The following MAGI1 variants were observed in gnomAD, a reference collection of about 807,000 sequenced individuals.
The protein encoded by MAGI1 is membrane-associated guanylate kinase, WW and PDZ domain-containing protein 1.
In MAGI1, 58 loss-of-function variants were observed where a neutral mutation model predicts 139.9. The observed-to-expected ratio is 0.41, with a 90% CI of 0.34 to 0.52. The LOEUF is 0.52. Among genes scored for constraint, MAGI1 ranks in the 20% least tolerant of loss-of-function variants. MAGI1 has a pLI of 0.12. For missense variants in MAGI1, 1,874 were observed against 1,901.6 expected, an observed-to-expected ratio of 0.99 and a Z score of 0.27; for synonymous variants, 812 against 737.9, an observed-to-expected ratio of 1.10 and a Z score of -1.63.
At chr3:65,392,995 C>T (rs762370021) in intron 13 of MAGI1, among the ~76,000 whole-genome samples, 3 of 152,182 alleles carry the variant, frequency 2.0e-5, no homozygotes, top group Admixed American at 1.3e-4. Flanking sequence ...AAAACATACA[C>T]TGTTGCAGAT....
intron 12 of MAGI1, among the ~76,000 whole-genome samples, chr3:65,425,015 G>A (rs1946906489): frequency 6.7e-6 from 1 of 150,058 alleles, no homozygotes; most frequent in African/African-American, 2.4e-5. Flanking sequence ...GTTTGAGGTT[G>A]TGATGGGCCA....
At chr3:65,597,127 C>T (rs1182064307) in intron 2 of MAGI1, among the ~76,000 whole-genome samples, 2 of 152,098 alleles carry the variant, frequency 1.3e-5, no homozygotes, top group Non-Finnish European at 2.9e-5. Context: ...CATTTACCAA[C>T]ACCTGCTGGA....
chr3:65,798,710 G>A (rs1218220348), intron 1 of MAGI1, among the ~76,000 whole-genome samples: 2 of 152,136 alleles, frequency 1.3e-5, no homozygotes, highest in Non-Finnish European at 2.9e-5. Context: ...CATTATCCAC[G>A]GCTTCGCTTT....
chr3:65,591,970 T>C (rs1387789620), intron 2 of MAGI1, among the ~76,000 whole-genome samples: 1 of 152,228 alleles, frequency 6.6e-6, no homozygotes, highest in Non-Finnish European at 1.5e-5. Flanking sequence ...CTCTGCTTTT[T>C]CCCTCGTATA....
intron 1 of MAGI1, among the ~76,000 whole-genome samples, chr3:66,035,119 C>T (rs888836862): frequency 6.6e-6 from 1 of 152,082 alleles, no homozygotes; most frequent in African/African-American, 2.4e-5. Flanking sequence ...ACTGTCTTCC[C>T]CACTTAAAAT....
At chr3:65,739,995 T>C (rs2035116512) in intron 1 of MAGI1, among the ~76,000 whole-genome samples, 1 of 8,420 alleles carries the variant, frequency 1.2e-4, no homozygotes, top group Admixed American at 1.6e-3. Context: ...AACCTTCAAG[T>C]TGTAAAAAAA....
At chr3:65,747,849 A>G (rs537579873) in intron 1 of MAGI1, among the ~76,000 whole-genome samples, 4 of 152,328 alleles carry the variant, frequency 2.6e-5, no homozygotes, top group Admixed American at 6.5e-5. Flanking sequence ...AAGAATGTCA[A>G]GACCAAAAAG....
At chr3:65,911,422 G>A (rs536451735) in intron 1 of MAGI1, among the ~76,000 whole-genome samples, 29 of 152,084 alleles carry the variant, frequency 1.9e-4, no homozygotes, top group African/African-American at 5.8e-4. Context: ...GCTGCCCAGC[G>A]TCCACCTTTC....
At chr3:66,021,800 T>C (rs1273301197) in intron 1 of MAGI1, among the ~76,000 whole-genome samples, 1 of 152,136 alleles carries the variant, frequency 6.6e-6, no homozygotes, top group Non-Finnish European at 1.5e-5. Flanking sequence ...CAGGGAGACA[T>C]GAGTCAGAAT....
intron 1 of MAGI1, among the ~76,000 whole-genome samples, chr3:65,915,260 C>T (rs1445258277): frequency 6.6e-6 from 1 of 152,198 alleles, no homozygotes; most frequent in Non-Finnish European, 1.5e-5. Flanking sequence ...ATTTGAACAG[C>T]AGCTTGTACA....
At chr3:65,680,170 G>C (rs1218946378) in intron 1 of MAGI1, among the ~76,000 whole-genome samples, 1 of 152,026 alleles carries the variant, frequency 6.6e-6, no homozygotes, top group East Asian at 1.9e-4. Flanking sequence ...ATGACATTAG[G>C]TAGTATGGGT....
In MAGI1 at chr3:65,882,901, T is replaced by C. The variant is rs2060388280; in HGVS notation, c.313+155095A>G. Reference sequence around the variant, plus strand: ...AGTGAGCCATGATCACGCAACTGCATTTCAGCCTGGGCAACAGAGCAAGAC... The same window carrying C: ...AGTGAGCCATGATCACGCAACTGCACTTCAGCCTGGGCAACAGAGCAAGAC... On this transcript the variant is annotated intron_variant, in intron 1 of 22. Transcript: ENST00000402939. Among the ~76,000 whole-genome samples, 4 of 146,666 alleles carry C rather than the reference T, an allele frequency of 2.7e-5. No individual in the cohort carries two copies. In the South Asian group the frequency reaches 8.6e-4, roughly 31 times the overall value.
At chr3:65,899,466 A>C (rs1328613793) in intron 1 of MAGI1, among the ~76,000 whole-genome samples, 1 of 152,202 alleles carries the variant, frequency 6.6e-6, no homozygotes, top group Non-Finnish European at 1.5e-5. Context: ...AGGGGAGGAA[A>C]TGTCAACCTC....
chr3:65,470,524 A>AG (rs57455654), intron 4 of MAGI1, 40 bp from the exon 5 acceptor site: 275 of 898,018 alleles, frequency 3.1e-4, no homozygotes, highest in African/African-American at 1.0e-3. Context: ...AGAGAGAGAG[A>AG]AAAAAAAAAA....
At chr3:65,873,879 G>A (rs2060021713) in intron 1 of MAGI1, 1 of 152,024 alleles carries the variant, frequency 6.6e-6, no homozygotes, top group African/African-American at 2.4e-5. Flanking sequence ...AGATATAAAA[G>A]TAAATCTTCA....
At chr3:65,812,808 T>G (rs1463858675) in intron 1 of MAGI1, among the ~76,000 whole-genome samples, 1 of 147,218 alleles carries the variant, frequency 6.8e-6, no homozygotes, top group Non-Finnish European at 1.5e-5. Flanking sequence ...CCTCCTGGGT[T>G]GAAGCGATTC....
chr3:65,919,924 A>G lies in MAGI1; in HGVS notation c.313+118072T>C, dbSNP rs921836767. On this transcript the variant is annotated intron_variant, in intron 1 of 22. Transcript: ENST00000402939. ...TTTTAACTTTTTTCAATCTTATCCC[A>G]TTGGTCACCAACTTAAGATTCCTGG... 2.0e-5 allele frequency among the ~76,000 whole-genome samples: 3 copies of G among 152,058 alleles called. No individual in the cohort carries two copies. In the South Asian group the frequency reaches 6.2e-4, roughly 32 times the overall value.
chr3:65,988,048 T>G (rs2065972267), intron 1 of MAGI1, among the ~76,000 whole-genome samples: 1 of 152,226 alleles, frequency 6.6e-6, no homozygotes, highest in South Asian at 2.1e-4. Context: ...AGTTATTATC[T>G]GAACACATTG....
intron 1 of MAGI1, among the ~76,000 whole-genome samples, chr3:65,993,285 C>G (rs2066274570): frequency 6.6e-6 from 1 of 152,126 alleles, no homozygotes; most frequent in South Asian, 2.1e-4. Context: ...CCATCTGATA[C>G]CAGTTTCCCC....
Sources: gnomAD v4.1 joint callset for allele counts (sites outside exome capture counted in the v4.1 genomes callset) on GRCh38, gnomAD v4.1.1 for gene constraint, MANE v1.5 for transcripts, NCBI Gene and HGNC (gene_info 2026-07-23, HGNC 2026-07-21) for gene names.